Variants in IFIH1 observed in about 807,000 individuals in gnomAD.
IFIH1 encodes interferon-induced helicase C domain-containing protein 1.
Under a neutral mutation model 107.4 loss-of-function variants are expected in IFIH1, and 125 were observed. That is an observed-to-expected ratio of 1.16 (90% confidence interval 1.01 to 1.35). The LOEUF (loss-of-function observed/expected upper bound fraction) is 1.35, where lower values mean the gene tolerates loss of function less well. Among genes scored for constraint, IFIH1 ranks in the 40% most tolerant of loss-of-function variants. IFIH1 has a pLI of 0.00. For missense variants in IFIH1, 1,333 were observed against 1,213.7 expected, an observed-to-expected ratio of 1.10 and a Z score of -1.46; for synonymous variants, 458 against 413.2, an observed-to-expected ratio of 1.11 and a Z score of -1.31.
chr2:162,284,348 C>T (rs1682861243), intron 5 of IFIH1, among the ~76,000 whole-genome samples: 1 of 151,964 alleles, frequency 6.6e-6, no homozygotes, highest in South Asian at 2.1e-4. Context: ...CAGCCACTTA[C>T]TTCTTTGTAC....
At chr2:162,311,100 G>A (rs541665119) in intron 1 of IFIH1, among the ~76,000 whole-genome samples, 167 bp from the exon 2 acceptor site, 1 of 151,076 alleles carries the variant, frequency 6.6e-6, no homozygotes, top group African/African-American at 2.5e-5. Flanking sequence ...TTCTGAAGTC[G>A]GCAGGGAAAA....
At chr2:162,304,383 G>A (rs148361640) in intron 3 of IFIH1, among the ~76,000 whole-genome samples, 5,253 of 152,186 alleles carry the variant, frequency 0.035, 440 homozygotes, top group Admixed American at 0.21. Flanking sequence ...GATCACTTGC[G>A]CCTGGGAGGT....
intron 4 of IFIH1, among the ~76,000 whole-genome samples, chr2:162,290,048 T>C (rs1452548963): frequency 6.6e-6 from 1 of 151,900 alleles, no homozygotes; most frequent in African/African-American, 2.4e-5. Flanking sequence ...AGAGCCAGTA[T>C]ATTTGCAAAG....
At position 162,268,207 on chromosome 2, in the gene IFIH1, T is replaced by G. The variant is rs778218112; in HGVS notation, c.2687A>C (p.Tyr896Ser). ...MKTKRNIAKH[Y>S]KNNPSLITFL... ...AGTTATTAGTGATGGGTTATTCTTG[T>G]AATGCTTGGCAATATTTCTCTTGGT... The change falls in exon 14 of 16, where the codon TAC becomes TCC. Residue 896 changes from tyrosine to serine, a missense_variant. Coordinates refer to ENST00000649979, the MANE Select transcript of IFIH1 (RefSeq NM_022168.4). 1.9e-5 allele frequency: 31 copies of G among 1,612,886 alleles called. No individual in the cohort carries two copies. Among genetic ancestry groups the G allele is most frequent in the Non-Finnish European group, 2.6e-5 (31 of 1,179,050 alleles).
At position 162,292,013 on chromosome 2, in the gene IFIH1, T is replaced by G. The variant is rs577682933; in HGVS notation, c.874+1551A>C. ...GATTGCGTTCAGACTTATCATGTGTTTCATGCCACATTGAGGACTAAAAAT... is the reference window on the plus strand; with the variant it reads ...GATTGCGTTCAGACTTATCATGTGTGTCATGCCACATTGAGGACTAAAAAT... On this transcript the variant is annotated intron_variant, in intron 4 of 15. Transcript: ENST00000649979. Among the ~76,000 whole-genome samples the G allele has an allele frequency of 3.3e-5, 5 of 152,000 alleles. No homozygotes were observed. The South Asian group carries it at 1.0e-3, about 31-fold the overall frequency.
Position 162,273,922 on chromosome 2 carries a change from C to T in IFIH1, c.2327G>A (p.Ser776Asn). Residue 776 changes from serine to asparagine, a missense_variant, in exon 12 of 16, where the codon AGT becomes AAT. Ser to Asn is a conservative substitution (Grantham distance 46). Coordinates refer to ENST00000649979, the MANE Select transcript of IFIH1 (RefSeq NM_022168.4). Reference sequence around the variant, plus strand: ...ATTTATTTTTCCAGTGCGAAATTTACTAATGACTTCTTTTTGTTCATTCTG... The same window carrying T: ...ATTTATTTTTCCAGTGCGAAATTTATTAATGACTTCTTTTTGTTCATTCTG... ...MTQNEQKEVI[S>N]KFRTGKINLL... 6.2e-7 allele frequency: 1 copy of T among 1,604,798 alleles called. No individual in the cohort carries two copies. Among genetic ancestry groups the T allele is most frequent in the Non-Finnish European group, 8.5e-7 (1 of 1,173,282 alleles).
At chr2:162,285,770 A>G (rs1682883344) in intron 5 of IFIH1, among the ~76,000 whole-genome samples, 1 of 152,056 alleles carries the variant, frequency 6.6e-6, no homozygotes, top group Non-Finnish European at 1.5e-5. Context: ...AGAAGGGAAT[A>G]TTATAGAAAG....
chr2:162,317,016 GGTGT>G (rs56835671), intron 1 of IFIH1, among the ~76,000 whole-genome samples: 10,129 of 143,952 alleles, frequency 0.07, 970 homozygotes, highest in African/African-American at 0.22. Context: ...AAAGAAAAAG[GGTGT>G]GTGTGTGTGT....
At chr2:162,299,612 T>C (rs1683156578) in intron 3 of IFIH1, among the ~76,000 whole-genome samples, 1 of 152,152 alleles carries the variant, frequency 6.6e-6, no homozygotes, top group African/African-American at 2.4e-5. Context: ...TCCAGCGCTC[T>C]GCTAGATATA....
chr2:162,305,183 G>A (rs1309800348), intron 3 of IFIH1, among the ~76,000 whole-genome samples: 1 of 152,182 alleles, frequency 6.6e-6, no homozygotes, highest in African/African-American at 2.4e-5. Flanking sequence ...AATGTTAAGT[G>A]TAATATCCAC....
At position 162,300,164 on chromosome 2, in the gene IFIH1, C is replaced by T. The variant is rs561847106; in HGVS notation, c.770-6496G>A. Among the ~76,000 whole-genome samples, 10 of 152,112 alleles carry T rather than the reference C, an allele frequency of 6.6e-5. 1 individual carries two copies. The highest frequency in any genetic ancestry group is 4.6e-4 in the Admixed American group (7 of 15,266). On this transcript the variant is annotated intron_variant, in intron 3 of 15. Transcript: ENST00000649979. Reference sequence around the variant, plus strand: ...AGAGTATAAACTTTTTGAGAGTGAACGCAATTCCTCAGTGCTTGGTTCTCT... The same window carrying T: ...AGAGTATAAACTTTTTGAGAGTGAATGCAATTCCTCAGTGCTTGGTTCTCT...
chr2:162,281,228 G>A, intron 7 of IFIH1, 100 bp downstream of exon 7: 1 of 832,930 alleles, frequency 1.2e-6, no homozygotes, highest in Non-Finnish European at 1.9e-6. Context: ...CTTAACTGAT[G>A]ATCACAGCAC....
intron 1 of IFIH1, among the ~76,000 whole-genome samples, chr2:162,316,071 C>A (rs1274869124): frequency 2.0e-5 from 3 of 152,206 alleles, no homozygotes; most frequent in African/African-American, 7.2e-5. Context: ...TAGCTGCCTC[C>A]AAGCTTGCCA....
At chr2:162,292,856 A>G (rs1245622118) in intron 4 of IFIH1, among the ~76,000 whole-genome samples, 1 of 151,880 alleles carries the variant, frequency 6.6e-6, no homozygotes, top group Admixed American at 6.6e-5. Flanking sequence ...TTAACATTTT[A>G]GCTTAGTAGT....
In IFIH1 at chr2:162,277,657, G is replaced by A; in HGVS notation, c.1802C>T (p.Ala601Val). The A allele has an allele frequency of 6.2e-7, 1 of 1,609,154 alleles. No homozygotes were observed. Among genetic ancestry groups the A allele is most frequent in the African/African-American group, 1.3e-5 (1 of 74,764 alleles). ...KEGNRKERVCAEHLRKYNEAL... is the reference protein window; with the variant it reads ...KEGNRKERVCVEHLRKYNEAL... ...CTCATTGTACTTCCTCAAATGTTCTGCACAAACACGTTCTTTGCGATTTCC... is the reference window on the plus strand; with the variant it reads ...CTCATTGTACTTCCTCAAATGTTCTACACAAACACGTTCTTTGCGATTTCC... The change falls in exon 10 of 16, where the codon GCA (alanine) becomes GTA (valine). Residue 601 changes from alanine to valine, a missense_variant. Physicochemically the swap from Ala to Val is moderately conservative, Grantham distance 64. Transcript: ENST00000649979.
In IFIH1 at chr2:162,284,107, C is replaced by T. The variant is rs369947671; in HGVS notation, c.1096-1531G>A. ...GAATCTAGGGACAATCTCTGGGGGG[C>T]AGAGGCTTGAAACCTTCACTTTAAT... On this transcript the variant is annotated intron_variant, in intron 5 of 15. Transcript: ENST00000649979. 5.3e-5 allele frequency among the ~76,000 whole-genome samples: 8 copies of T among 151,896 alleles called. No homozygotes were observed. The East Asian group carries it at 1.6e-3, about 30-fold the overall frequency.
Position 162,277,712 on chromosome 2 carries a change from T to C in IFIH1, c.1766-19A>G, listed in dbSNP as rs763314815. On this transcript the variant is annotated intron_variant, in intron 9 of 15. Transcript: ENST00000649979. ...TTTGCAGCTGTGAAAAAATATATTA[T>C]GTAAGTGAAATAATAAGCATATAAA... 1.3e-6 allele frequency: 2 copies of C among 1,590,780 alleles called. No homozygotes were observed. Among genetic ancestry groups the C allele is most frequent in the East Asian group, 2.2e-5 (1 of 44,712 alleles).
rs75774528 is a variant in IFIH1 at position 162,299,562 on chromosome 2, G to C, written c.770-5894C>G. Among the ~76,000 whole-genome samples, 198 of 152,196 alleles carry C rather than the reference G, an allele frequency of 1.3e-3. 3 individuals carry two copies. The East Asian group carries it at 0.037, about 28-fold the overall frequency. On this transcript the variant is annotated intron_variant, in intron 3 of 15. Coordinates refer to ENST00000649979, the MANE Select transcript of IFIH1 (RefSeq NM_022168.4). ...GATGTCCTGTGTGGAGCTGGAAAGA[G>C]ATGTGCACACTGGGGTCTTACAAGC...
At chr2:162,298,820 T>C (rs1683143299) in intron 3 of IFIH1, among the ~76,000 whole-genome samples, 1 of 151,772 alleles carries the variant, frequency 6.6e-6, no homozygotes, top group Admixed American at 6.6e-5. Context: ...ACTCACATTT[T>C]GGTCTGTCAG....
Sources: allele counts gnomAD v4.1 joint callset (sites outside exome capture counted in the v4.1 genomes callset), GRCh38; gene constraint gnomAD v4.1.1; transcripts MANE v1.5; gene names NCBI Gene and HGNC (gene_info 2026-07-23, HGNC 2026-07-21).